Variants in GNAQ observed in about 807,000 individuals in gnomAD.
GNAQ encodes the protein G protein subunit alpha q, also known as guanine nucleotide-binding protein G(q) subunit alpha.
In GNAQ, 8 loss-of-function variants were observed where a neutral mutation model predicts 43.9. The observed-to-expected ratio is 0.18, with a 90% CI of 0.11 to 0.33. GNAQ has a LOEUF of 0.33. GNAQ is among the 10% of genes least tolerant of loss of function. GNAQ has a pLI of 1.00. For synonymous variants in GNAQ, 155 were observed against 170.7 expected (o/e 0.91, Z 0.71); for missense variants, 158 against 450.8 (o/e 0.35, Z 5.88).
At chr9:77,933,371 A>C (rs1230687826) in intron 1 of GNAQ, among the ~76,000 whole-genome samples, 1 of 152,230 alleles carries the variant, frequency 6.6e-6, no homozygotes, top group African/African-American at 2.4e-5. Context: ...ACATTTATAA[A>C]GTGGCATCAT....
chr9:77,803,693 C>T (rs571695598), intron 3 of GNAQ, among the ~76,000 whole-genome samples: 39 of 152,144 alleles, frequency 2.6e-4, no homozygotes, highest in Non-Finnish European at 3.7e-4. Context: ...ATAAGGGTTA[C>T]ATAAAAACAA....
intron 4 of GNAQ, among the ~76,000 whole-genome samples, chr9:77,795,967 G>A (rs1296556010): frequency 6.6e-6 from 1 of 152,158 alleles, no homozygotes; most frequent in Non-Finnish European, 1.5e-5. Flanking sequence ...GAAGCAATAA[G>A]GAGATGAAAA....
chr9:77,888,493 A>G (rs1404564086), intron 2 of GNAQ, among the ~76,000 whole-genome samples: 1 of 152,230 alleles, frequency 6.6e-6, no homozygotes, highest in Non-Finnish European at 1.5e-5. Flanking sequence ...AGCAAGGAGA[A>G]AAGTGGCTTG....
chr9:77,770,712 G>C (rs1490584527), intron 5 of GNAQ, among the ~76,000 whole-genome samples: 1 of 152,154 alleles, frequency 6.6e-6, no homozygotes, highest in African/African-American at 2.4e-5. Context: ...GCAAGAACTT[G>C]CTATTCAGTG....
intron 2 of GNAQ, among the ~76,000 whole-genome samples, chr9:77,892,382 T>A (rs1398926601): frequency 2.0e-5 from 3 of 152,196 alleles, no homozygotes; most frequent in Non-Finnish European, 4.4e-5. Context: ...TGCAACTGAT[T>A]ATCAAACACA....
chr9:77,859,217 C>T (rs769410686), intron 2 of GNAQ, among the ~76,000 whole-genome samples: 2 of 152,122 alleles, frequency 1.3e-5, no homozygotes, highest in East Asian at 1.9e-4. Context: ...TATTCTATAA[C>T]GTAATTGTAA....
At chr9:77,993,049 T>C (rs1823528083) in intron 1 of GNAQ, among the ~76,000 whole-genome samples, 1 of 152,214 alleles carries the variant, frequency 6.6e-6, no homozygotes, top group African/African-American at 2.4e-5. Flanking sequence ...CACATTCCAA[T>C]ATTGTTAGCT....
At chr9:77,792,937 G>A (rs998462172) in intron 5 of GNAQ, among the ~76,000 whole-genome samples, 1 of 151,954 alleles carries the variant, frequency 6.6e-6, no homozygotes, top group African/African-American at 2.4e-5. Flanking sequence ...GGTCTTCTAG[G>A]GCAGAGTTGA....
intron 5 of GNAQ, among the ~76,000 whole-genome samples, chr9:77,736,856 C>T (rs763383438): frequency 7.9e-5 from 12 of 152,182 alleles, no homozygotes; most frequent in Non-Finnish European, 1.6e-4. Flanking sequence ...CAGAGATGAA[C>T]GGATTAATAT....
In GNAQ at chr9:77,716,828, A is replaced by G. The variant is rs757384302; in HGVS notation, c.*4495T>C. The G allele has an allele frequency of 1.1e-4, 25 of 232,776 alleles. No individual in the cohort carries two copies. The highest frequency in any genetic ancestry group is 1.7e-4 in the Non-Finnish European group (20 of 117,860). The allele number at this position is 232,776 out of a possible 1,614,324, so 14.4% of individuals were successfully genotyped here. On this transcript the variant is annotated 3_prime_UTR_variant, in exon 7 of 7. Coordinates refer to ENST00000286548, the MANE Select transcript of GNAQ (RefSeq NM_002072.5). ...AGGGTAGATAAGGAAGGCAAGGAGG[A>G]AATTAATATTTGAGCACCTACTATG...
chr9:77,953,678 C>T (rs1410331371), intron 1 of GNAQ, among the ~76,000 whole-genome samples: 2 of 152,176 alleles, frequency 1.3e-5, no homozygotes, highest in Non-Finnish European at 2.9e-5. Context: ...AAAATATGAA[C>T]AGATACTTCA....
intron 3 of GNAQ, among the ~76,000 whole-genome samples, chr9:77,808,325 A>G (rs1241920952): frequency 6.6e-6 from 1 of 151,208 alleles, no homozygotes; most frequent in Non-Finnish European, 1.5e-5. Context: ...TCTTAGAATC[A>G]TCAGCATTCA....
chr9:77,913,494 G>A (rs142509037), intron 2 of GNAQ, among the ~76,000 whole-genome samples: 178 of 152,268 alleles, frequency 1.2e-3, no homozygotes, highest in African/African-American at 4.1e-3. Context: ...AGTGGCGACT[G>A]TATTGGACAG....
intron 2 of GNAQ, among the ~76,000 whole-genome samples, chr9:77,903,972 A>C (rs1451807685): frequency 6.6e-6 from 1 of 152,204 alleles, no homozygotes; most frequent in East Asian, 1.9e-4. Context: ...AATCACTCTC[A>C]AAACAGGCAA....
At chr9:77,904,317 C>CTTTTGTTTTT (rs1828666699) in intron 2 of GNAQ, among the ~76,000 whole-genome samples, 1 of 77,406 alleles carries the variant, frequency 1.3e-5, no homozygotes, top group Non-Finnish European at 2.2e-5. Flanking sequence ...TTCACACCGG[C>CTTTTGTTTTT]TTTTTTTTTT....
chr9:77,751,174 A>G (rs2118292629), intron 5 of GNAQ, among the ~76,000 whole-genome samples: 1 of 152,348 alleles, frequency 6.6e-6, no homozygotes, highest in African/African-American at 2.4e-5. Context: ...TATTCCAGGC[A>G]TGGGAAATTA....
At chr9:77,844,796 C>T (rs1171519667) in intron 2 of GNAQ, among the ~76,000 whole-genome samples, 1 of 152,016 alleles carries the variant, frequency 6.6e-6, no homozygotes, top group African/African-American at 2.4e-5. Flanking sequence ...CCTCAGCCTC[C>T]CGAGTAGCTG....
At chr9:77,762,902 A>G (rs1397674548) in intron 5 of GNAQ, among the ~76,000 whole-genome samples, 1 of 152,060 alleles carries the variant, frequency 6.6e-6, no homozygotes. Flanking sequence ...TGAAGGCAGC[A>G]TGCTCGTTAA....
chr9:77,959,315 C>T (rs1823079359), intron 1 of GNAQ, among the ~76,000 whole-genome samples: 1 of 152,098 alleles, frequency 6.6e-6, no homozygotes, highest in Non-Finnish European at 1.5e-5. Context: ...GTATTTTAAT[C>T]CAAAGAATCA....
Sources: gnomAD v4.1 joint callset for allele counts (sites outside exome capture counted in the v4.1 genomes callset) on GRCh38, gnomAD v4.1.1 for gene constraint, MANE v1.5 for transcripts, NCBI Gene and HGNC (gene_info 2026-07-23, HGNC 2026-07-21) for gene names.